Variants in HPSE observed in about 807,000 individuals in gnomAD.
HPSE encodes the protein endo-glucoronidase.
In HPSE, 48 loss-of-function variants were observed where a neutral mutation model predicts 65.1. That is an observed-to-expected ratio of 0.74 (90% CI 0.58 to 0.94). The LOEUF is 0.94. HPSE is among the 40% of genes least tolerant of loss of function. HPSE has a pLI of 0.00. For synonymous variants in HPSE, 243 were observed against 260.0 expected (o/e 0.93, Z 0.63); for missense variants, 644 against 637.5 (o/e 1.01, Z -0.11).
intron 11 of HPSE, among the ~76,000 whole-genome samples, chr4:83,296,210 A>G (rs2126180644): frequency 6.6e-6 from 1 of 152,358 alleles, no homozygotes; most frequent in East Asian, 1.9e-4. Flanking sequence ...AAATCAAATT[A>G]ATGCATATTC....
At chr4:83,320,796 G>A (rs1018883463) in intron 2 of HPSE, among the ~76,000 whole-genome samples, 3 of 152,002 alleles carry the variant, frequency 2.0e-5, no homozygotes, top group Non-Finnish European at 4.4e-5. Context: ...TTCCCCCACC[G>A]ACCATCCCCC....
intron 1 of HPSE, among the ~76,000 whole-genome samples, chr4:83,325,008 A>G (rs962418536): frequency 2.0e-5 from 3 of 152,186 alleles, no homozygotes; most frequent in Non-Finnish European, 2.9e-5. Flanking sequence ...ACAGGAGAGA[A>G]TTATGCCAGG....
At chr4:83,305,305 C>A (rs1471528389) in intron 9 of HPSE, among the ~76,000 whole-genome samples, 2 of 152,156 alleles carry the variant, frequency 1.3e-5, no homozygotes, top group African/African-American at 2.4e-5. Flanking sequence ...ACAGAATATA[C>A]TTGGGGAAAG....
intron 1 of HPSE, among the ~76,000 whole-genome samples, chr4:83,327,231 C>T (rs1036520244): frequency 3.9e-5 from 6 of 152,146 alleles, no homozygotes; most frequent in Non-Finnish European, 7.4e-5. Context: ...AAGGGTAAGT[C>T]GCTGCCAGAC....
chr4:83,307,127 C>T (rs1467108407), intron 8 of HPSE, among the ~76,000 whole-genome samples: 1 of 152,210 alleles, frequency 6.6e-6, no homozygotes, highest in African/African-American at 2.4e-5. Context: ...AAGCTCTGAT[C>T]CTCGAATGTT....
At position 83,304,804 on chromosome 4, in the gene HPSE, G is replaced by A. The variant is rs80295358; in HGVS notation, c.1206+1399C>T. 2.3e-3 allele frequency among the ~76,000 whole-genome samples: 356 copies of A among 152,306 alleles called. 4 individuals are homozygous for A. In the East Asian group the frequency reaches 0.047, roughly 20 times the overall value. On this transcript the variant is annotated intron_variant, in intron 9 of 11. Coordinates refer to ENST00000311412, the MANE Select transcript of HPSE (RefSeq NM_001098540.3). ...AATTCCACTTTTTCACTGGAGACAA[G>A]AGTGGAATCAATGTTTTCAAAGGAG...
chr4:83,295,610 G>A, intron 11 of HPSE, 107 bp from the exon 12 acceptor site: 3 of 792,264 alleles, frequency 3.8e-6, no homozygotes, highest in South Asian at 5.2e-5. Context: ...TTTTTTTGTG[G>A]CAGCCTATAT....
At position 83,310,045 on chromosome 4, in the gene HPSE, T is replaced by C; in HGVS notation, c.876A>G (p.Ser292=). 6.2e-7 allele frequency: 1 copy of C among 1,610,956 alleles called. No homozygotes were observed. Among genetic ancestry groups the C allele is most frequent in the South Asian group, 1.1e-5 (1 of 90,790 alleles). ...GACATACTTACTGATGCCATGTAAC[T>C]GAATCAATCACTTCTCCACCAGCCT... The part of the protein sequence containing the change: ...FLKAGGEVID[S]VTWHHYYLNG... Residue 292 remains serine (S), a synonymous_variant, in exon 6 of 12, where the codon TCA becomes TCG. Coordinates refer to ENST00000311412, the MANE Select transcript of HPSE (RefSeq NM_001098540.3).
intron 3 of HPSE, among the ~76,000 whole-genome samples, chr4:83,316,102 C>T (rs1316600515): frequency 6.6e-6 from 1 of 151,948 alleles, no homozygotes; most frequent in Non-Finnish European, 1.5e-5. Flanking sequence ...TCTTGGCTCA[C>T]TGCAACCTCC....
intron 5 of HPSE, 110 bp from the exon 6 acceptor site, chr4:83,310,188 G>A: frequency 1.5e-6 from 1 of 665,370 alleles, no homozygotes; most frequent in Non-Finnish European, 2.6e-6. Flanking sequence ...TTAGGATCAG[G>A]TAAACACAAA....
chr4:83,319,665 C>A (rs555436804), intron 2 of HPSE, among the ~76,000 whole-genome samples, 196 bp from the exon 3 acceptor site: 1 of 152,086 alleles, frequency 6.6e-6, no homozygotes, highest in Non-Finnish European at 1.5e-5. Flanking sequence ...ACAAAGAAAA[C>A]AACCAAGGGC....
intron 9 of HPSE, among the ~76,000 whole-genome samples, chr4:83,302,881 G>A (rs1046077101): frequency 6.6e-6 from 1 of 152,092 alleles, no homozygotes. Flanking sequence ...AGGCTGAGGT[G>A]AGAAGATCAC....
At position 83,322,243 on chromosome 4, in the gene HPSE, A is replaced by C. The variant is rs199684188; in HGVS notation, c.349T>G (p.Tyr117Asp). 3.1e-6 allele frequency: 5 copies of C among 1,613,772 alleles called. No individual in the cohort carries two copies. The highest frequency in any genetic ancestry group is 4.2e-6 in the Non-Finnish European group (5 of 1,179,818). The part of the protein sequence containing the change: ...KKESTFEERS[Y>D]WQSQVNQDIC... ...CCCTGGTTGACTTGAGATTGCCAGT[A>C]ACTTCTCTCTTCAAAGGTTGATTCC... The change falls in exon 2 of 12, where the codon TAC becomes GAC. Residue 117 changes from tyrosine (Y) to aspartate (D), a missense_variant. Coordinates refer to ENST00000311412, the MANE Select transcript of HPSE (RefSeq NM_001098540.3).
In HPSE at chr4:83,310,776, AG is replaced by A. The variant is rs1736336023; in HGVS notation, c.787del (p.Leu263SerfsTer17). The stretch of plus-strand genomic sequence containing the variant: ...AGGCTGACCAACATCAGGACCATAG[AG>A]TTTTGCATTTTTGAAGGTGGACTTT... The part of the protein sequence containing the change: ...LRKSTFKNAK[L>X]YGPDVGQPRR... On this transcript the variant is annotated frameshift_variant, in exon 5 of 12. Coordinates refer to ENST00000311412, the MANE Select transcript of HPSE (RefSeq NM_001098540.3). LOFTEE classifies it high-confidence loss of function. 6.2e-6 allele frequency: 10 copies of A among 1,614,070 alleles called. No individual in the cohort carries two copies. Among genetic ancestry groups the A allele is most frequent in the Non-Finnish European group, 8.5e-6 (10 of 1,180,036 alleles).
At chr4:83,325,050 G>A (rs987424922) in intron 1 of HPSE, among the ~76,000 whole-genome samples, 1 of 152,010 alleles carries the variant, frequency 6.6e-6, no homozygotes, top group Non-Finnish European at 1.5e-5. Context: ...TGGTGAGCTA[G>A]ATGGTAGACT....
intron 1 of HPSE, among the ~76,000 whole-genome samples, chr4:83,327,596 A>C (rs1167141597): frequency 2.6e-5 from 4 of 152,248 alleles, no homozygotes; most frequent in African/African-American, 7.2e-5. Flanking sequence ...CAGTTTGTTA[A>C]GGAAAAAAAG....
chr4:83,319,520 T>C (rs1262986546), intron 2 of HPSE, 51 bp from the exon 3 acceptor site: 3 of 1,566,168 alleles, frequency 1.9e-6, no homozygotes, highest in Non-Finnish European at 2.6e-6. Flanking sequence ...GTGAGCAGAC[T>C]GAAATCGCAT....
chr4:83,304,586 G>A (rs1736083788), intron 9 of HPSE, among the ~76,000 whole-genome samples: 1 of 152,166 alleles, frequency 6.6e-6, no homozygotes, highest in South Asian at 2.1e-4. Context: ...CCAACACTGG[G>A]AGGCTGAGGT....
chr4:83,311,050 T>G (rs1271637797), intron 4 of HPSE, among the ~76,000 whole-genome samples, 160 bp from the exon 5 acceptor site: 1 of 152,226 alleles, frequency 6.6e-6, no homozygotes, highest in Non-Finnish European at 1.5e-5. Flanking sequence ...GGCTCATGCC[T>G]GTAATCCCAG....
Sources: allele counts gnomAD v4.1 joint callset (sites outside exome capture counted in the v4.1 genomes callset), GRCh38; gene constraint gnomAD v4.1.1; transcripts MANE v1.5; gene names NCBI Gene and HGNC (gene_info 2026-07-23, HGNC 2026-07-21).